CAMK2D: variants seen among roughly 807,000 people sequenced by gnomAD.
CAMK2D encodes calcium/calmodulin dependent protein kinase II delta, also known as calcium/calmodulin-dependent protein kinase type II subunit delta.
A neutral mutation model predicts 84.0 loss-of-function variants in CAMK2D; 37 were observed. That is an observed-to-expected ratio of 0.44 (90% CI 0.34 to 0.58). The LOEUF (loss-of-function observed/expected upper bound fraction) is 0.58. CAMK2D is among the 20% of genes least tolerant of loss of function. The pLI is 0.02. For missense variants in CAMK2D, 448 were observed against 652.5 expected, an observed-to-expected ratio of 0.69 and a Z score of 3.41; for synonymous variants, 202 against 212.5, an observed-to-expected ratio of 0.95 and a Z score of 0.43.
At chr4:113,560,901 T>G (rs1193956956) in intron 4 of CAMK2D, among the ~76,000 whole-genome samples, 1 of 152,090 alleles carries the variant, frequency 6.6e-6, no homozygotes, top group Non-Finnish European at 1.5e-5. Context: ...AAAAATAGTC[T>G]CATAAAGGCT....
chr4:113,598,220 T>C (rs191551263), intron 4 of CAMK2D, among the ~76,000 whole-genome samples: 50 of 152,186 alleles, frequency 3.3e-4, no homozygotes, highest in Admixed American at 1.2e-3. Context: ...TCTTTGAGTA[T>C]AGAAATACAC....
intron 4 of CAMK2D, among the ~76,000 whole-genome samples, chr4:113,598,983 A>G (rs2098939821): frequency 1.3e-5 from 2 of 152,206 alleles, no homozygotes; most frequent in South Asian, 4.1e-4. Context: ...TGAACAATCT[A>G]ATAAAAAAAT....
At chr4:113,760,955 C>A (rs181960014) in intron 1 of CAMK2D, 49 bp downstream of exon 1, 13 of 1,612,950 alleles carry the variant, frequency 8.1e-6, no homozygotes, top group Non-Finnish European at 1.1e-5. Flanking sequence ...CAACGCGACC[C>A]GCCCTCAGCT....
At chr4:113,585,251 T>C (rs1305656150) in intron 4 of CAMK2D, among the ~76,000 whole-genome samples, 1 of 152,282 alleles carries the variant, frequency 6.6e-6, no homozygotes, top group East Asian at 1.9e-4. Context: ...CAAGAGTAAT[T>C]GATTAATTAA....
Position 113,489,272 on chromosome 4 carries a change from G to A in CAMK2D, c.1135+11191C>T, listed in dbSNP as rs539238631. Among the ~76,000 whole-genome samples, 449 of 146,818 alleles carry A rather than the reference G, an allele frequency of 3.1e-3. 6 individuals are homozygous for A. The highest frequency in any genetic ancestry group is 0.011 in the African/African-American group (431 of 39,838). The stretch of plus-strand genomic sequence containing the variant: ...TCATCTAGCATTAGGTATATCTCCC[G>A]ATGCTATCCCTCCCCCCTCCCCCCA... On this transcript the variant is annotated intron_variant, in intron 16 of 20. Coordinates refer to ENST00000511664, the MANE Select transcript of CAMK2D (RefSeq NM_001321571.2).
Position 113,606,367 on chromosome 4 carries a change from G to A in CAMK2D, c.275+2785C>T, listed in dbSNP as rs1256790016. 2.6e-5 allele frequency among the ~76,000 whole-genome samples: 4 copies of A among 152,044 alleles called. No homozygotes were observed. The East Asian group carries it at 7.7e-4, about 29-fold the overall frequency. On this transcript the variant is annotated intron_variant, in intron 4 of 20. Transcript: ENST00000511664. Reference sequence around the variant, plus strand: ...CGCCTGTAATCCCAGCTACTCAGGAGGCTGATGCAGGAGAATCGCTTGAAC... The same window carrying A: ...CGCCTGTAATCCCAGCTACTCAGGAAGCTGATGCAGGAGAATCGCTTGAAC...
intron 11 of CAMK2D, 149 bp downstream of exon 11, chr4:113,513,681 A>AT: frequency 4.9e-6 from 3 of 612,612 alleles, no homozygotes; most frequent in Admixed American, 3.1e-5. Flanking sequence ...TCTGGTGTAT[A>AT]TTCCATTTCC....
At chr4:113,745,959 G>A (rs1178060366) in intron 2 of CAMK2D, among the ~76,000 whole-genome samples, 1 of 152,170 alleles carries the variant, frequency 6.6e-6, no homozygotes. Flanking sequence ...CTGGGCACAG[G>A]AGTCTCTAAA....
At position 113,648,605 on chromosome 4, in the gene CAMK2D, GA is replaced by G. The variant is rs908367191; in HGVS notation, c.220+13107del. On this transcript the variant is annotated intron_variant, in intron 3 of 20. Coordinates refer to ENST00000511664, the MANE Select transcript of CAMK2D (RefSeq NM_001321571.2). ...TTTACTTTAGTGGACAGAATGGGGG[GA>G]AAAAGCACCCTAGAAATAAGTGCTC... Among the ~76,000 whole-genome samples, 144 of 152,320 alleles carry G rather than the reference GA, an allele frequency of 9.5e-4. 2 individuals are homozygous for G. The highest frequency in any genetic ancestry group is 3.3e-3 in the African/African-American group (138 of 41,568).
intron 4 of CAMK2D, among the ~76,000 whole-genome samples, chr4:113,592,951 T>C (rs1436647485): frequency 6.6e-6 from 1 of 152,126 alleles, no homozygotes; most frequent in Non-Finnish European, 1.5e-5. Flanking sequence ...CCTCCCGGGT[T>C]CCAGTGATTC....
intron 2 of CAMK2D, among the ~76,000 whole-genome samples, chr4:113,674,438 C>T (rs2099309772): frequency 6.6e-6 from 1 of 152,170 alleles, no homozygotes; most frequent in African/African-American, 2.4e-5. Context: ...ATTGTCATAG[C>T]ATTACAAGTG....
At chr4:113,730,857 T>C (rs1427675627) in intron 2 of CAMK2D, among the ~76,000 whole-genome samples, 7 of 152,220 alleles carry the variant, frequency 4.6e-5, no homozygotes, top group African/African-American at 1.7e-4. Context: ...ATATCACCTG[T>C]GCATACAATA....
In CAMK2D at chr4:113,502,901, G is replaced by T. The variant is rs372956033; in HGVS notation, c.1086+35C>A. 3.1e-4 allele frequency: 458 copies of T among 1,475,276 alleles called. No individual in the cohort carries two copies. The African/African-American group carries it at 5.8e-3, about 19-fold the overall frequency. 91.4% of individuals were successfully genotyped at this position (1,475,276 alleles called of 1,614,324 possible). On this transcript the variant is annotated intron_variant, in intron 15 of 20. Coordinates refer to ENST00000511664, the MANE Select transcript of CAMK2D (RefSeq NM_001321571.2). ...AATATTTGATGAGATGTATAGTCTT[G>T]TTAAAGCAAGATGATGTTGATTCTT...
chr4:113,574,977 GA>G (rs971211201), intron 4 of CAMK2D, among the ~76,000 whole-genome samples: 2 of 151,848 alleles, frequency 1.3e-5, no homozygotes, highest in African/African-American at 4.8e-5. Context: ...ATCAGTTGAA[GA>G]AAAAAAATGA....
intron 3 of CAMK2D, among the ~76,000 whole-genome samples, chr4:113,626,488 A>C (rs1436302534): frequency 6.6e-6 from 1 of 152,216 alleles, no homozygotes; most frequent in Non-Finnish European, 1.5e-5. Flanking sequence ...GCATTAAATA[A>C]AGTTGATACA....
intron 12 of CAMK2D, among the ~76,000 whole-genome samples, chr4:113,511,165 A>T (rs2098208098): frequency 6.6e-6 from 1 of 152,176 alleles, no homozygotes. Flanking sequence ...CAACTTTATA[A>T]CCATATACTT....
intron 2 of CAMK2D, among the ~76,000 whole-genome samples, chr4:113,702,375 A>G (rs1054940050): frequency 2.0e-5 from 3 of 152,164 alleles, no homozygotes; most frequent in African/African-American, 7.2e-5. Context: ...AAAATGTAAA[A>G]GTCATTCTTA....
At position 113,461,201 on chromosome 4, in the gene CAMK2D, T is replaced by C. The variant is rs1169199659; in HGVS notation, c.1212-960A>G. Among the ~76,000 whole-genome samples the C allele has an allele frequency of 3.9e-5, 6 of 152,200 alleles. No homozygotes were observed. In the East Asian group the frequency reaches 1.2e-3, roughly 29 times the overall value. ...GTTTTCTTTCTTAATCCTAGAAATA[T>C]GATTCAATAAAGGGGTGCACAATTT... On this transcript the variant is annotated intron_variant, in intron 17 of 20. Transcript: ENST00000511664.
At chr4:113,592,897 A>G (rs1225465993) in intron 4 of CAMK2D, among the ~76,000 whole-genome samples, 1 of 151,998 alleles carries the variant, frequency 6.6e-6, no homozygotes, top group Admixed American at 6.6e-5. Flanking sequence ...TGCTCTACCC[A>G]GGCTGGAGTG....
Sources: allele counts gnomAD v4.1 joint callset (sites outside exome capture counted in the v4.1 genomes callset), GRCh38; gene constraint gnomAD v4.1.1; transcripts MANE v1.5; gene names NCBI Gene and HGNC (gene_info 2026-07-23, HGNC 2026-07-21).